Variants in DMD observed in about 807,000 individuals in gnomAD.
The protein encoded by DMD is mutant dystrophin.
Under a neutral mutation model 330.1 loss-of-function variants are expected in DMD, and 63 were observed. The ratio of observed to expected loss-of-function variants is 0.19; its 90% CI spans 0.16 to 0.24. The LOEUF (loss-of-function observed/expected upper bound fraction) is 0.24, where lower values mean the gene tolerates loss of function less well. Among genes scored for constraint, DMD ranks in the 10% least tolerant of loss-of-function variants. The probability of loss-of-function intolerance (pLI) is 1.00; values close to 1 mark genes in which losing one functional copy is unlikely to be tolerated. For synonymous variants in DMD, 1,223 were observed against 959.8 expected (o/e 1.27, Z -5.07); for missense variants, 3,344 against 2,684.1 (o/e 1.25, Z -5.43).
At chrX:32,150,685 G>T (rs1223491003) in intron 44 of DMD, among the ~76,000 whole-genome samples, 1 of 111,474 alleles carries the variant, frequency 9.0e-6, no homozygotes, top group East Asian at 2.8e-4. Context: ...TAAGGAGAAT[G>T]GCAGCTGAAA....
intron 1 of DMD, among the ~76,000 whole-genome samples, chrX:33,217,587 C>T (rs2052081018): frequency 9.0e-6 from 1 of 111,160 alleles, no homozygotes; most frequent in Non-Finnish European, 1.9e-5. Flanking sequence ...TGCTTGTATA[C>T]AAAAATACAA....
intron 9 of DMD, among the ~76,000 whole-genome samples, chrX:32,682,913 T>A (rs1569451226): frequency 1.8e-5 from 2 of 111,866 alleles, no homozygotes; most frequent in Admixed American, 1.9e-4. Context: ...GGGAGTATCC[T>A]AGATAGTAGC....
At chrX:32,671,599 A>T (rs2061638023) in intron 9 of DMD, among the ~76,000 whole-genome samples, 1 of 112,167 alleles carries the variant, frequency 8.9e-6, no homozygotes, top group South Asian at 3.6e-4. Context: ...TTTCCATTAA[A>T]ATGTAAAAGT....
At chrX:31,931,007 T>C (rs2094845817) in intron 46 of DMD, among the ~76,000 whole-genome samples, 1 of 112,256 alleles carries the variant, frequency 8.9e-6, no homozygotes, top group Admixed American at 9.5e-5. Context: ...ATTTTTATAC[T>C]TTATTTCTTG....
At chrX:32,652,987 T>C (rs1045121140) in intron 9 of DMD, among the ~76,000 whole-genome samples, 1 of 112,240 alleles carries the variant, frequency 8.9e-6, no homozygotes, top group African/African-American at 3.2e-5. Flanking sequence ...TTCATATCCT[T>C]TGCCCACTTT....
intron 2 of DMD, among the ~76,000 whole-genome samples, chrX:32,944,002 C>G (rs1374524212): frequency 9.0e-6 from 1 of 110,740 alleles, no homozygotes; most frequent in African/African-American, 3.3e-5. Context: ...TCTCATTATC[C>G]ACTCCACTCC....
chrX:32,926,497 C>T (rs905805857), intron 2 of DMD, among the ~76,000 whole-genome samples: 10 of 111,570 alleles, frequency 9.0e-5, no homozygotes, highest in Non-Finnish European at 1.5e-4. Context: ...CGCCTGTAAT[C>T]CCAGTACTTT....
At chrX:32,582,866 G>A (rs145617988) in intron 13 of DMD, among the ~76,000 whole-genome samples, 90 of 110,992 alleles carry the variant, frequency 8.1e-4, no homozygotes, top group Middle Eastern at 4.7e-3. Flanking sequence ...TCTACAATCC[G>A]GGAATATCTT....
At chrX:32,100,387 A>ATG (rs2096533972) in intron 44 of DMD, among the ~76,000 whole-genome samples, 1 of 105,110 alleles carries the variant, frequency 9.5e-6, no homozygotes, top group African/African-American at 3.6e-5. Flanking sequence ...ATATATATAT[A>ATG]TATGTATATA....
intron 7 of DMD, among the ~76,000 whole-genome samples, chrX:32,790,424 T>C (rs894352522): frequency 3.0e-4 from 33 of 111,302 alleles, no homozygotes; most frequent in African/African-American, 1.0e-3. Context: ...CACACAGCTG[T>C]CTAGATACTG....
chrX:32,239,264 C>T (rs1164632911), intron 43 of DMD, among the ~76,000 whole-genome samples: 1 of 112,155 alleles, frequency 8.9e-6, no homozygotes, highest in East Asian at 2.8e-4. Context: ...TCCCATTTTC[C>T]ATGCTTTTGG....
chrX:32,980,823 C>T, intron 2 of DMD, among the ~76,000 whole-genome samples: 1 of 111,945 alleles, frequency 8.9e-6, no homozygotes, highest in South Asian at 3.8e-4. Context: ...ATGAAAATAT[C>T]TCCTTTACTA....
chrX:31,942,219 CAT>C (rs2095016261), intron 45 of DMD, among the ~76,000 whole-genome samples: 1 of 111,488 alleles, frequency 9.0e-6, no homozygotes, highest in Non-Finnish European at 1.9e-5. Flanking sequence ...TAATAATAGC[CAT>C]TCTGTTCTGA....
chrX:32,150,665 A>G (rs2096799570), intron 44 of DMD, among the ~76,000 whole-genome samples: 1 of 111,612 alleles, frequency 9.0e-6, no homozygotes, highest in African/African-American at 3.3e-5. Context: ...GAATTTATTG[A>G]TAACAGTATT....
intron 34 of DMD, among the ~76,000 whole-genome samples, chrX:32,368,699 C>T (rs1011530902): frequency 2.4e-4 from 27 of 110,815 alleles, no homozygotes; most frequent in African/African-American, 7.2e-4. Flanking sequence ...ATAGGGTTGG[C>T]GAGATGGAAA....
chrX:32,401,159 C>T (rs1229901991), intron 30 of DMD, among the ~76,000 whole-genome samples: 2 of 86,736 alleles, frequency 2.3e-5, no homozygotes, highest in Non-Finnish European at 4.3e-5. Context: ...GGAAGGGGAA[C>T]ATCACACACC....
intron 1 of DMD, among the ~76,000 whole-genome samples, chrX:33,194,796 G>C (rs2050835547): frequency 9.0e-6 from 1 of 110,908 alleles, no homozygotes; most frequent in Non-Finnish European, 1.9e-5. Context: ...TAATACTTTG[G>C]AAATTGAAAG....
At chrX:32,903,137 T>TCA (rs1429810204) in intron 2 of DMD, among the ~76,000 whole-genome samples, 1 of 56,067 alleles carries the variant, frequency 1.8e-5, no homozygotes, top group Non-Finnish European at 2.9e-5. Context: ...AGAGTGAGAC[T>TCA]CAGTCTCAAA....
At chrX:31,712,081 T>C (rs910051258) in intron 52 of DMD, among the ~76,000 whole-genome samples, 3 of 111,691 alleles carry the variant, frequency 2.7e-5, no homozygotes, top group Non-Finnish European at 5.6e-5. Flanking sequence ...AAGAGAGGAT[T>C]ACAAAAAACT....
Sources: gnomAD v4.1 joint callset for allele counts (sites outside exome capture counted in the v4.1 genomes callset) on GRCh38, gnomAD v4.1.1 for gene constraint, MANE v1.5 for transcripts, NCBI Gene and HGNC (gene_info 2026-07-23, HGNC 2026-07-21) for gene names.